The following OPHN1 variants were observed in gnomAD, a reference collection of about 807,000 sequenced individuals.
OPHN1 encodes oligophrenin 1.
In OPHN1, 11 loss-of-function variants were observed where a neutral mutation model predicts 60.7. That is an observed-to-expected ratio of 0.18 (90% CI 0.11 to 0.30). OPHN1 has a LOEUF of 0.30. OPHN1 is among the 10% of genes least tolerant of loss of function. The pLI, the probability that OPHN1 is intolerant of heterozygous loss-of-function variation, is 1.00. For missense variants in OPHN1, 449 were observed against 611.0 expected, an observed-to-expected ratio of 0.73 and a Z score of 2.80; for synonymous variants, 226 against 222.6, an observed-to-expected ratio of 1.02 and a Z score of -0.14.
chrX:68,337,777 G>A (rs1602337487), intron 2 of OPHN1, among the ~76,000 whole-genome samples: 2 of 84,174 alleles, frequency 2.4e-5, no homozygotes. Flanking sequence ...ATTAGAATAG[G>A]ACAAAATACA....
At chrX:68,080,659 C>A (rs1448104105) in intron 19 of OPHN1, among the ~76,000 whole-genome samples, 2 of 111,719 alleles carry the variant, frequency 1.8e-5, no homozygotes, top group Non-Finnish European at 3.8e-5. Context: ...TAAATGGGGA[C>A]AAATGGAATA....
intron 7 of OPHN1, among the ~76,000 whole-genome samples, chrX:68,213,228 C>T (rs775108004): frequency 9.0e-6 from 1 of 110,787 alleles, no homozygotes; most frequent in Non-Finnish European, 1.9e-5. Flanking sequence ...AATATTAGCT[C>T]GGTATGGAGG....
intron 15 of OPHN1, among the ~76,000 whole-genome samples, chrX:68,144,324 T>A (rs1234237317): frequency 9.0e-6 from 1 of 111,275 alleles, no homozygotes; most frequent in African/African-American, 3.3e-5. Flanking sequence ...ATTTCCTTTT[T>A]AATCTTTTGG....
At chrX:68,341,550 T>C (rs1438187200) in intron 2 of OPHN1, among the ~76,000 whole-genome samples, 1 of 111,771 alleles carries the variant, frequency 8.9e-6, no homozygotes, top group Non-Finnish European at 1.9e-5. Context: ...AAGAAACATA[T>C]TGGCAGGGCA....
chrX:68,058,281 C>T (rs2076880985), intron 21 of OPHN1, among the ~76,000 whole-genome samples: 1 of 111,087 alleles, frequency 9.0e-6, no homozygotes, highest in Non-Finnish European at 1.9e-5. Context: ...CACACACACA[C>T]ACACACAAAG....
At chrX:68,089,360 A>G (rs143769206) in intron 19 of OPHN1, among the ~76,000 whole-genome samples, 1,174 of 111,715 alleles carry the variant, frequency 0.011, 18 homozygotes, top group African/African-American at 0.037. Context: ...CTCTGATTCT[A>G]TATTCTTCCC....
At chrX:68,426,589 G>A (rs1314812400) in intron 2 of OPHN1, among the ~76,000 whole-genome samples, 4 of 29,685 alleles carry the variant, frequency 1.3e-4, no homozygotes, top group East Asian at 1.7e-3. Context: ...GAGGCTGGGC[G>A]TGATGGCTCA....
intron 20 of OPHN1, 138 bp from the exon 21 acceptor site, chrX:68,064,315 T>C: frequency 3.7e-6 from 2 of 540,066 alleles, no homozygotes; most frequent in African/African-American, 2.3e-5. Flanking sequence ...ACAAACCAAC[T>C]ATATCCCACA....
At chrX:68,400,997 A>T (rs915798024) in intron 2 of OPHN1, among the ~76,000 whole-genome samples, 1 of 111,447 alleles carries the variant, frequency 9.0e-6, no homozygotes, top group Non-Finnish European at 1.9e-5. Context: ...ACACACTTTT[A>T]AAAAATCAGC....
intron 2 of OPHN1, among the ~76,000 whole-genome samples, chrX:68,418,625 G>T (rs769399945): frequency 8.9e-6 from 1 of 111,960 alleles, no homozygotes; most frequent in East Asian, 2.8e-4. Context: ...ACCTCTAGGA[G>T]CCAGAAGATC....
intron 2 of OPHN1, among the ~76,000 whole-genome samples, chrX:68,308,625 AAAG>A (rs2037349354): frequency 9.0e-6 from 1 of 111,201 alleles, no homozygotes; most frequent in Non-Finnish European, 1.9e-5. Context: ...AGAAAAGAAA[AAAG>A]AAAAGAAAAT....
At chrX:68,344,043 T>C (rs2078367503) in intron 2 of OPHN1, among the ~76,000 whole-genome samples, 1 of 112,015 alleles carries the variant, frequency 8.9e-6, no homozygotes, top group African/African-American at 3.2e-5. Flanking sequence ...AGCACCATTA[T>C]AAAGATCCTA....
At chrX:68,269,486 G>A (rs951575011) in intron 5 of OPHN1, among the ~76,000 whole-genome samples, 7 of 111,654 alleles carry the variant, frequency 6.3e-5, no homozygotes, top group African/African-American at 2.3e-4. Context: ...AAGAAATGGG[G>A]AAACGATTCC....
At chrX:68,230,029 A>C (rs1005869677) in intron 6 of OPHN1, among the ~76,000 whole-genome samples, 2 of 112,399 alleles carry the variant, frequency 1.8e-5, no homozygotes, top group African/African-American at 6.5e-5. Context: ...CAAAGGGCGA[A>C]TATCCAGAAT....
intron 5 of OPHN1, among the ~76,000 whole-genome samples, chrX:68,273,993 G>C (rs1264477280): frequency 9.0e-6 from 1 of 111,530 alleles, no homozygotes; most frequent in African/African-American, 3.3e-5. Flanking sequence ...AGCAAGAAGT[G>C]GGGGAGTTGC....
At chrX:68,265,739 G>A (rs999300083) in intron 5 of OPHN1, among the ~76,000 whole-genome samples, 5 of 111,232 alleles carry the variant, frequency 4.5e-5, no homozygotes, top group African/African-American at 1.6e-4. Context: ...CGAGCTAAAG[G>A]AGGAAGTTTG....
At chrX:68,425,812 CT>C (rs1188011531) in intron 2 of OPHN1, among the ~76,000 whole-genome samples, 11 of 38,657 alleles carry the variant, frequency 2.8e-4, no homozygotes, top group Admixed American at 1.0e-3. Context: ...GGACTGGATT[CT>C]TTTTTTTTTT....
intron 15 of OPHN1, among the ~76,000 whole-genome samples, chrX:68,136,428 C>T (rs1250016312): frequency 1.9e-5 from 2 of 107,107 alleles, no homozygotes; most frequent in African/African-American, 6.9e-5. Context: ...CTCAGCCTCC[C>T]GAGTAGCTGG....
chrX:68,278,273 T>C (rs1439468572), intron 4 of OPHN1, among the ~76,000 whole-genome samples: 1 of 112,424 alleles, frequency 8.9e-6, no homozygotes, highest in Non-Finnish European at 1.9e-5. Context: ...CTCTTTTTTC[T>C]TTTTCACTCC....
Sources: allele counts gnomAD v4.1 joint callset (sites outside exome capture counted in the v4.1 genomes callset), GRCh38; gene constraint gnomAD v4.1.1; transcripts MANE v1.5; gene names NCBI Gene and HGNC (gene_info 2026-07-23, HGNC 2026-07-21).